The following ARMH3 variants were observed in gnomAD, a reference collection of about 807,000 sequenced individuals.
The protein encoded by ARMH3 is armadillo like helical domain containing 3, also known as armadillo-like helical domain-containing protein 3.
In ARMH3, 60 loss-of-function variants were observed where a neutral mutation model predicts 99.1. The ratio of observed to expected loss-of-function variants is 0.61; its 90% CI spans 0.49 to 0.75. The LOEUF is 0.75. ARMH3 is among the 30% of genes least tolerant of loss of function. The probability of loss-of-function intolerance (pLI) is 0.00; values close to 1 mark genes in which losing one functional copy is unlikely to be tolerated. For synonymous variants in ARMH3, 285 were observed against 292.8 expected (o/e 0.97, Z 0.27); for missense variants, 679 against 843.1 (o/e 0.81, Z 2.41).
intron 9 of ARMH3, 129 bp from the exon 10 acceptor site, chr10:102,013,005 C>T: frequency 3.0e-6 from 2 of 676,464 alleles, no homozygotes; most frequent in Non-Finnish European, 4.6e-6. Context: ...GCGACAAGGA[C>T]AGAAATTCTG....
chr10:101,866,229 A>G (rs904436559), intron 24 of ARMH3, among the ~76,000 whole-genome samples: 25 of 151,904 alleles, frequency 1.6e-4, no homozygotes, highest in Admixed American at 2.0e-4. Flanking sequence ...CTCAGAAGAA[A>G]AAAAAAAAAA....
intron 23 of ARMH3, among the ~76,000 whole-genome samples, chr10:101,907,517 G>A (rs372507934): frequency 3.2e-4 from 48 of 152,078 alleles, no homozygotes; most frequent in East Asian, 2.1e-3. Context: ...GAGTAGCTGG[G>A]ATTACAGGCA....
intron 24 of ARMH3, among the ~76,000 whole-genome samples, chr10:101,879,829 G>A (rs1222258318): frequency 6.6e-6 from 1 of 152,098 alleles, no homozygotes; most frequent in Non-Finnish European, 1.5e-5. Flanking sequence ...GGTCATCCTA[G>A]CAGCACATCA....
chr10:101,962,192 G>C (rs1845326078), intron 20 of ARMH3, among the ~76,000 whole-genome samples: 1 of 152,152 alleles, frequency 6.6e-6, no homozygotes, highest in Non-Finnish European at 1.5e-5. Context: ...ATATCCTTTT[G>C]GGTAAGGGCA....
intron 2 of ARMH3, 117 bp from the exon 3 acceptor site, chr10:102,033,456 C>T (rs879493595): frequency 7.2e-5 from 83 of 1,147,292 alleles, no homozygotes; most frequent in Admixed American, 1.9e-4. Context: ...ATCTCGCTGT[C>T]GCCCAGGCTG....
rs1013712967 is a variant in ARMH3, at chr10:101,871,137, T to C, written c.1860+18275A>G. On this transcript the variant is annotated intron_variant, in intron 24 of 25. Coordinates refer to ENST00000370033, the MANE Select transcript of ARMH3 (RefSeq NM_024541.3). Reference sequence around the variant, plus strand: ...ATATTTAGGGATAAATTGAGCAAAATAGGCATAAAACAAGTACACTACGAA... The same window carrying C: ...ATATTTAGGGATAAATTGAGCAAAACAGGCATAAAACAAGTACACTACGAA... Among the ~76,000 whole-genome samples the C allele has an allele frequency of 2.0e-5, 3 of 152,050 alleles. No individual in the cohort carries two copies. In the East Asian group the frequency reaches 5.8e-4, roughly 29 times the overall value.
intron 17 of ARMH3, among the ~76,000 whole-genome samples, chr10:101,992,892 G>C (rs1289254177): frequency 6.6e-6 from 1 of 152,136 alleles, no homozygotes; most frequent in Non-Finnish European, 1.5e-5. Flanking sequence ...CTGAGCAGCA[G>C]CTAGTCTTAG....
At chr10:101,938,913 A>C (rs774731805) in intron 23 of ARMH3, among the ~76,000 whole-genome samples, 1 of 152,188 alleles carries the variant, frequency 6.6e-6, no homozygotes, top group Non-Finnish European at 1.5e-5. Flanking sequence ...CACAAATTTC[A>C]CACTTCTCCT....
At chr10:101,875,117 C>A (rs778615196) in intron 24 of ARMH3, among the ~76,000 whole-genome samples, 32 of 152,100 alleles carry the variant, frequency 2.1e-4, no homozygotes, top group Non-Finnish European at 4.3e-4. Context: ...TGCCTTACTG[C>A]ACTAAAGATA....
At chr10:102,049,420 T>C (rs1028206615) in intron 1 of ARMH3, among the ~76,000 whole-genome samples, 1 of 151,892 alleles carries the variant, frequency 6.6e-6, no homozygotes, top group African/African-American at 2.4e-5. Context: ...CAAGTGCCTG[T>C]AATCCCAGCT....
At chr10:102,054,161 C>T (rs184391743) in intron 1 of ARMH3, among the ~76,000 whole-genome samples, 1 of 151,916 alleles carries the variant, frequency 6.6e-6, no homozygotes, top group Admixed American at 6.6e-5. Context: ...GAGGCTGAGA[C>T]GGGTGGATCA....
At chr10:101,998,959 T>C (rs2066281828) in intron 15 of ARMH3, among the ~76,000 whole-genome samples, 1 of 152,206 alleles carries the variant, frequency 6.6e-6, no homozygotes, top group Admixed American at 6.5e-5. Flanking sequence ...AGTTCATCTG[T>C]GGACCATAAT....
At chr10:101,940,413 T>C (rs1309012140) in intron 22 of ARMH3, among the ~76,000 whole-genome samples, 1 of 152,156 alleles carries the variant, frequency 6.6e-6, no homozygotes, top group Non-Finnish European at 1.5e-5. Flanking sequence ...ACAGGACACA[T>C]CCACATAGAG....
At chr10:101,977,887 A>G (rs958142927) in intron 19 of ARMH3, among the ~76,000 whole-genome samples, 3 of 152,212 alleles carry the variant, frequency 2.0e-5, no homozygotes, top group African/African-American at 4.8e-5. Context: ...TAGAACTTGG[A>G]CTTCCTAGTC....
chr10:101,905,803 C>CA (rs2068087638), intron 23 of ARMH3, among the ~76,000 whole-genome samples: 1 of 152,136 alleles, frequency 6.6e-6, no homozygotes, highest in Admixed American at 6.5e-5. Flanking sequence ...TTCAGATGTA[C>CA]AAAAAGGTGC....
rs948002619 is a variant in ARMH3, at chr10:101,878,288, G to A, written c.1860+11124C>T. On this transcript the variant is annotated intron_variant, in intron 24 of 25. Coordinates refer to ENST00000370033, the MANE Select transcript of ARMH3 (RefSeq NM_024541.3). ...TAAATAAATAATAAATAAAAATTCC[G>A]TGTGCTACCTTTTAGATCTTGAACA... is the stretch of plus-strand genomic sequence containing the variant. 3.9e-5 allele frequency among the ~76,000 whole-genome samples: 6 copies of A among 151,916 alleles called. No individual in the cohort carries two copies. The South Asian group carries it at 6.2e-4, about 16-fold the overall frequency.
intron 19 of ARMH3, among the ~76,000 whole-genome samples, chr10:101,986,660 A>G (rs1309079014): frequency 6.6e-6 from 1 of 152,168 alleles, no homozygotes; most frequent in African/African-American, 2.4e-5. Flanking sequence ...ATTCTGCTGT[A>G]TACTGCCGAA....
At chr10:102,028,515 A>C (rs2136190296) in intron 5 of ARMH3, among the ~76,000 whole-genome samples, 1 of 152,386 alleles carries the variant, frequency 6.6e-6, no homozygotes, top group African/African-American at 2.4e-5. Context: ...GAATGGCTAA[A>C]CAAAATATAG....
chr10:101,983,964 G>T (rs1367530126), intron 19 of ARMH3, among the ~76,000 whole-genome samples: 1 of 152,142 alleles, frequency 6.6e-6, no homozygotes, highest in Non-Finnish European at 1.5e-5. Flanking sequence ...AAAGCCAGGG[G>T]TAGTCTTAGG....
Sources: allele counts gnomAD v4.1 joint callset (sites outside exome capture counted in the v4.1 genomes callset), GRCh38; gene constraint gnomAD v4.1.1; transcripts MANE v1.5; gene names NCBI Gene and HGNC (gene_info 2026-07-23, HGNC 2026-07-21).